Variants in DIAPH2 observed in about 807,000 individuals in gnomAD.
DIAPH2 encodes diaphanous related formin 2, also known as protein diaphanous homolog 2.
A neutral mutation model predicts 92.7 loss-of-function variants in DIAPH2; 35 were observed. The observed-to-expected ratio is 0.38, with a 90% CI of 0.29 to 0.50. The LOEUF is 0.50. Ranked by LOEUF, DIAPH2 falls within the 20% of genes least tolerant of loss-of-function variation. DIAPH2 has a pLI of 0.94. For synonymous variants in DIAPH2, 301 were observed against 280.4 expected, an observed-to-expected ratio of 1.07 and a Z score of -0.73; for missense variants, 701 against 819.5, an observed-to-expected ratio of 0.86 and a Z score of 1.77.
intron 23 of DIAPH2, among the ~76,000 whole-genome samples, chrX:97,261,459 T>C (rs2068287442): frequency 8.9e-6 from 1 of 112,847 alleles, no homozygotes; most frequent in African/African-American, 3.2e-5. Flanking sequence ...ATTTTTTTCT[T>C]TTGTAAGTCA....
intron 25 of DIAPH2, among the ~76,000 whole-genome samples, chrX:97,403,701 T>C (rs1482669955): frequency 8.9e-6 from 1 of 111,733 alleles, no homozygotes; most frequent in African/African-American, 3.3e-5. Flanking sequence ...TTTTATGTGA[T>C]TTGGTTTTTA....
chrX:96,687,764 T>G (rs2063778995), intron 1 of DIAPH2, among the ~76,000 whole-genome samples: 1 of 112,104 alleles, frequency 8.9e-6, no homozygotes, highest in African/African-American at 3.2e-5. Context: ...TAATGATTTC[T>G]ATTTAAGATT....
intron 26 of DIAPH2, among the ~76,000 whole-genome samples, chrX:97,465,078 C>G (rs976754359): frequency 9.0e-6 from 1 of 111,096 alleles, no homozygotes; most frequent in African/African-American, 3.3e-5. Context: ...AACTCCTGAC[C>G]TCAGGTGATC....
At chrX:97,087,832 A>G (rs2066794208) in intron 19 of DIAPH2, among the ~76,000 whole-genome samples, 1 of 111,319 alleles carries the variant, frequency 9.0e-6, no homozygotes, top group African/African-American at 3.3e-5. Flanking sequence ...AAAAGAACTC[A>G]TAGTCTTCAT....
At chrX:97,146,191 G>A (rs2067246674) in intron 22 of DIAPH2, among the ~76,000 whole-genome samples, 2 of 108,410 alleles carry the variant, frequency 1.8e-5, no homozygotes, top group South Asian at 8.0e-4. Flanking sequence ...TTTCAGCCCT[G>A]TTTGAATCAC....
chrX:96,912,639 T>A (rs1024751852), intron 7 of DIAPH2, 87 bp downstream of exon 7: 289 of 1,014,834 alleles, frequency 2.8e-4, no homozygotes, highest in Non-Finnish European at 3.5e-4. Flanking sequence ...AATATTTTTT[T>A]ATTATTTTTT....
chrX:97,505,063 G>C (rs1343686866), intron 26 of DIAPH2, among the ~76,000 whole-genome samples: 1 of 112,178 alleles, frequency 8.9e-6, no homozygotes, highest in African/African-American at 3.2e-5. Context: ...CTAGAGGATG[G>C]GGTACAAAAT....
At chrX:97,428,123 C>T (rs2070089330) in intron 25 of DIAPH2, among the ~76,000 whole-genome samples, 1 of 110,994 alleles carries the variant, frequency 9.0e-6, no homozygotes, top group Non-Finnish European at 1.9e-5. Flanking sequence ...CATTCAATAC[C>T]CCATCCTAGA....
chrX:97,266,906 A>T (rs1208047848), intron 23 of DIAPH2, among the ~76,000 whole-genome samples: 1 of 111,640 alleles, frequency 9.0e-6, no homozygotes, highest in Admixed American at 9.6e-5. Context: ...AGGGTACATG[A>T]AATGTGATTT....
intron 7 of DIAPH2, among the ~76,000 whole-genome samples, chrX:96,913,580 G>T (rs927689879): frequency 9.0e-6 from 1 of 111,206 alleles, no homozygotes; most frequent in Admixed American, 9.6e-5. Flanking sequence ...TTTAAATGTC[G>T]TTTGTTGAAT....
intron 23 of DIAPH2, among the ~76,000 whole-genome samples, chrX:97,304,338 A>G (rs779453020): frequency 1.8e-5 from 2 of 112,397 alleles, no homozygotes; most frequent in East Asian, 5.6e-4. Flanking sequence ...GTGTTTAACA[A>G]CAGTAATAGT....
At chrX:96,935,803 A>G (rs2065653637) in intron 10 of DIAPH2, among the ~76,000 whole-genome samples, 1 of 111,990 alleles carries the variant, frequency 8.9e-6, no homozygotes, top group Admixed American at 9.5e-5. Context: ...ATTAAATGGC[A>G]GTACTTAAAT....
At chrX:97,410,826 G>A (rs905686843) in intron 25 of DIAPH2, among the ~76,000 whole-genome samples, 1 of 111,838 alleles carries the variant, frequency 8.9e-6, no homozygotes, top group Non-Finnish European at 1.9e-5. Flanking sequence ...TCAAATTAAT[G>A]AAATAAAGCG....
intron 4 of DIAPH2, among the ~76,000 whole-genome samples, chrX:96,807,557 C>T (rs938236296): frequency 2.7e-5 from 3 of 110,805 alleles, no homozygotes; most frequent in Non-Finnish European, 5.7e-5. Flanking sequence ...ACTTAATTTT[C>T]GTTTTCCTAA....
chrX:96,735,929 C>A, intron 2 of DIAPH2, 139 bp downstream of exon 2: 2 of 382,283 alleles, frequency 5.2e-6, no homozygotes, highest in South Asian at 8.2e-5. Flanking sequence ...GAATAATTGT[C>A]AATTCAGTGA....
Position 96,735,724 on chromosome X carries a change from GT to G in DIAPH2, c.133-26del, listed in dbSNP as rs760466783. 111 of 895,595 alleles carry G rather than the reference GT, an allele frequency of 1.2e-4. 1 individual carries two copies. The South Asian group carries it at 1.4e-3, about 11-fold the overall frequency. The allele number at this position is 895,595 out of a possible 1,213,427, so 73.8% of individuals were successfully genotyped here. Reference sequence around the variant, plus strand: ...TCTATGAGTTTCTCTTATCTGATGGGTTTTTTTTGTTTGTTTCTTTTTGGTT... The same window carrying G: ...TCTATGAGTTTCTCTTATCTGATGGGTTTTTTTGTTTGTTTCTTTTTGGTT... On this transcript the variant is annotated intron_variant, in intron 1 of 26. Coordinates refer to ENST00000324765, the MANE Select transcript of DIAPH2 (RefSeq NM_006729.5).
chrX:96,960,780 C>T (rs1344102352), intron 16 of DIAPH2, among the ~76,000 whole-genome samples: 5 of 111,705 alleles, frequency 4.5e-5, no homozygotes, highest in Non-Finnish European at 7.5e-5. Flanking sequence ...TCCCTCTCTG[C>T]CTAATTGTTG....
At chrX:97,267,839 G>A (rs2068350750) in intron 23 of DIAPH2, among the ~76,000 whole-genome samples, 1 of 111,432 alleles carries the variant, frequency 9.0e-6, no homozygotes, top group Non-Finnish European at 1.9e-5. Context: ...TAGTACCCAC[G>A]TGACTTATAA....
chrX:97,006,191 A>G (rs774608834), intron 17 of DIAPH2, among the ~76,000 whole-genome samples: 2 of 111,096 alleles, frequency 1.8e-5, no homozygotes, highest in African/African-American at 6.5e-5. Context: ...ACGTTTTAAG[A>G]CGTGTTTTGT....
Sources: gnomAD v4.1 joint callset for allele counts (sites outside exome capture counted in the v4.1 genomes callset) on GRCh38, gnomAD v4.1.1 for gene constraint, MANE v1.5 for transcripts, NCBI Gene and HGNC (gene_info 2026-07-23, HGNC 2026-07-21) for gene names.